Variants in SMG6 observed in about 807,000 individuals in gnomAD.
The protein encoded by SMG6 is telomerase-binding protein EST1A.
A neutral mutation model predicts 142.2 loss-of-function variants in SMG6; 66 were observed. The ratio of observed to expected loss-of-function variants is 0.46; its 90% CI spans 0.38 to 0.57. SMG6 has a LOEUF of 0.57. Ranked by LOEUF, SMG6 falls within the 20% of genes least tolerant of loss-of-function variation. SMG6 has a pLI of 0.00. For missense variants in SMG6, 1,793 were observed against 1,832.0 expected (o/e 0.98, Z 0.39); for synonymous variants, 779 against 702.4 (o/e 1.11, Z -1.72).
chr17:2,250,482 G>A (rs7214177), intron 8 of SMG6, among the ~76,000 whole-genome samples: 11,015 of 151,482 alleles, frequency 0.073, 573 homozygotes, highest in Non-Finnish European at 0.098. Context: ...AGACCTCCTA[G>A]GCTCAAGTGA....
chr17:2,131,530 C>T (rs2070120878), intron 13 of SMG6, among the ~76,000 whole-genome samples: 1 of 152,136 alleles, frequency 6.6e-6, no homozygotes, highest in African/African-American at 2.4e-5. Flanking sequence ...GAACTCCTAA[C>T]CTTGTGATCT....
At chr17:2,143,702 A>C (rs895848779) in intron 13 of SMG6, among the ~76,000 whole-genome samples, 36 of 152,220 alleles carry the variant, frequency 2.4e-4, no homozygotes, top group Non-Finnish European at 5.1e-4. Flanking sequence ...TGTGTACTTT[A>C]AAAGGTTGAA....
intron 13 of SMG6, chr17:2,127,533 G>T: frequency 1.6e-6 from 1 of 627,134 alleles, no homozygotes. Flanking sequence ...TGGTTTTGGG[G>T]CCAGCATCCT....
chr17:2,211,683 A>AAAAG lies in SMG6; in HGVS notation c.2870-23169_2870-23168insCTTT, dbSNP rs1555555718. Among the ~76,000 whole-genome samples, 4 of 144,522 alleles carry AAAAG rather than the reference A, an allele frequency of 2.8e-5. No individual in the cohort carries two copies. In the East Asian group the frequency reaches 7.9e-4, roughly 28 times the overall value. 94.8% of individuals were successfully genotyped at this position (144,522 alleles called of 152,430 possible). A position where few individuals can be genotyped will look rare whatever the true frequency, so the allele number is the denominator to read the frequency against. ...CATCTAATTAAAAAAAAAAAAAAAA[A>AAAAG]GGGCGTTCTTTGACCTTCAGTCTTG... is the stretch of plus-strand genomic sequence containing the variant. On this transcript the variant is annotated intron_variant, in intron 10 of 18. Coordinates refer to ENST00000263073, the MANE Select transcript of SMG6 (RefSeq NM_017575.5).
chr17:2,230,181 G>A lies in SMG6; in HGVS notation c.2869+6311C>T, dbSNP rs181319701. Reference sequence around the variant, plus strand: ...AGCCTGGGCCACAGAGCAAGACTCCGTCTCCAAAAAAAAAAAAAAAAAAAA... The same window carrying A: ...AGCCTGGGCCACAGAGCAAGACTCCATCTCCAAAAAAAAAAAAAAAAAAAA... On this transcript the variant is annotated intron_variant, in intron 10 of 18. Transcript: ENST00000263073. Among the ~76,000 whole-genome samples, 218 of 61,228 alleles carry A rather than the reference G, an allele frequency of 3.6e-3. No individual in the cohort carries two copies. In the Middle Eastern group the frequency reaches 0.056, roughly 16 times the overall value. 40.2% of individuals were successfully genotyped at this position (61,228 alleles called of 152,430 possible). A position where few individuals can be genotyped will look rare whatever the true frequency, so the allele number is the denominator to read the frequency against.
chr17:2,163,889 C>A (rs939176653), intron 13 of SMG6, among the ~76,000 whole-genome samples: 1 of 151,870 alleles, frequency 6.6e-6, no homozygotes, highest in African/African-American at 2.4e-5. Flanking sequence ...AGGGTGAAAC[C>A]TCATCTCCAC....
At chr17:2,247,298 T>C (rs527989168) in intron 8 of SMG6, among the ~76,000 whole-genome samples, 1 of 152,218 alleles carries the variant, frequency 6.6e-6, no homozygotes, top group Non-Finnish European at 1.5e-5. Flanking sequence ...TTCTTACAAC[T>C]TTTCCACAGA....
intron 13 of SMG6, among the ~76,000 whole-genome samples, chr17:2,119,349 G>A (rs907271914): frequency 2.0e-5 from 3 of 151,424 alleles, no homozygotes; most frequent in Non-Finnish European, 2.9e-5. Flanking sequence ...GAGCCACTGC[G>A]CCCGGCCATA....
chr17:2,266,451 C>T (rs933858434), intron 8 of SMG6, among the ~76,000 whole-genome samples: 3 of 152,152 alleles, frequency 2.0e-5, no homozygotes, highest in Non-Finnish European at 4.4e-5. Flanking sequence ...ATTTACTCCT[C>T]TATATTTTAT....
At chr17:2,259,742 C>T (rs2074271800) in intron 8 of SMG6, among the ~76,000 whole-genome samples, 1 of 151,006 alleles carries the variant, frequency 6.6e-6, no homozygotes, top group Non-Finnish European at 1.5e-5. Context: ...GGACTGTGCA[C>T]AGTCCAGAAA....
chr17:2,144,748 C>T (rs2070607785), intron 13 of SMG6, among the ~76,000 whole-genome samples: 1 of 152,040 alleles, frequency 6.6e-6, no homozygotes, highest in Non-Finnish European at 1.5e-5. Flanking sequence ...TTTCAGAGTA[C>T]ATAGGTAGTA....
intron 10 of SMG6, among the ~76,000 whole-genome samples, chr17:2,189,173 CT>C (rs2151694355): frequency 6.6e-6 from 1 of 152,302 alleles, no homozygotes; most frequent in East Asian, 1.9e-4. Context: ...ATTCCTTCCC[CT>C]AGCGCTAAAA....
At chr17:2,217,875 T>C (rs998832087) in intron 10 of SMG6, among the ~76,000 whole-genome samples, 2 of 151,818 alleles carry the variant, frequency 1.3e-5, no homozygotes, top group African/African-American at 4.8e-5. Context: ...CCGGGTGTGG[T>C]GGCGCACACC....
chr17:2,090,778 T>C (rs1181089540), intron 13 of SMG6, among the ~76,000 whole-genome samples: 1 of 152,254 alleles, frequency 6.6e-6, no homozygotes, highest in Non-Finnish European at 1.5e-5. Context: ...GTTGTTTTTC[T>C]TGTTTCTCTA....
chr17:2,190,191 G>A (rs991805844), intron 10 of SMG6, among the ~76,000 whole-genome samples: 2 of 152,142 alleles, frequency 1.3e-5, no homozygotes, highest in African/African-American at 2.4e-5. Flanking sequence ...CCATTGCCAC[G>A]CCCGGACAAC....
chr17:2,303,728 G>A lies in SMG6; in HGVS notation c.-8C>T, dbSNP rs941414771. The A allele has an allele frequency of 1.1e-5, 16 of 1,491,300 alleles. No homozygotes were observed. In the African/African-American group the frequency reaches 1.7e-4, roughly 16 times the overall value. 92.4% of individuals were successfully genotyped at this position (1,491,300 alleles called of 1,614,324 possible). A position where few individuals can be genotyped will look rare whatever the true frequency, so the allele number is the denominator to read the frequency against. ...CTCCAGCCCTTCCGCCATCTTCGCG[G>A]CTGCTGCTACAGCCGTAGCGGCTCC... On this transcript the variant is annotated 5_prime_UTR_variant, in exon 1 of 19. Transcript: ENST00000263073.
intron 12 of SMG6, among the ~76,000 whole-genome samples, chr17:2,176,221 C>T (rs1271022727): frequency 1.3e-5 from 2 of 152,172 alleles, no homozygotes; most frequent in Non-Finnish European, 2.9e-5. Context: ...AGGAGAAAAG[C>T]TTAGCTTTTT....
intron 15 of SMG6, among the ~76,000 whole-genome samples, chr17:2,077,388 G>C (rs1416855944): frequency 1.3e-5 from 2 of 152,320 alleles, no homozygotes; most frequent in East Asian, 1.9e-4. Flanking sequence ...GAGACCAGGG[G>C]GGGCTTCACT....
intron 8 of SMG6, among the ~76,000 whole-genome samples, chr17:2,260,323 TC>T (rs934182551): frequency 2.0e-5 from 3 of 150,880 alleles, no homozygotes; most frequent in Non-Finnish European, 3.0e-5. Context: ...GATGTCACTT[TC>T]CCCCCCCACA....
Sources: allele counts gnomAD v4.1 joint callset (sites outside exome capture counted in the v4.1 genomes callset), GRCh38; gene constraint gnomAD v4.1.1; transcripts MANE v1.5; gene names NCBI Gene and HGNC (gene_info 2026-07-23, HGNC 2026-07-21).